The following RPTOR variants were observed in gnomAD, a reference collection of about 807,000 sequenced individuals.
RPTOR encodes regulatory associated protein of MTOR complex 1.
A neutral mutation model predicts 169.9 loss-of-function variants in RPTOR; 21 were observed. The observed-to-expected ratio is 0.12, with a 90% CI of 0.09 to 0.18. RPTOR has a LOEUF of 0.18. RPTOR is among the 10% of genes least tolerant of loss of function. The probability of loss-of-function intolerance (pLI) is 1.00; values close to 1 mark genes in which losing one functional copy is unlikely to be tolerated. For synonymous variants in RPTOR, 732 were observed against 753.2 expected (o/e 0.97, Z 0.46); for missense variants, 1,133 against 1,855.9 (o/e 0.61, Z 7.16).
chr17:80,794,655 C>G (rs1461937283), intron 7 of RPTOR, among the ~76,000 whole-genome samples: 1 of 152,210 alleles, frequency 6.6e-6, no homozygotes, highest in Admixed American at 6.5e-5. Context: ...CCGGAAGCAA[C>G]CAAAATGTCC....
chr17:80,668,963 A>G (rs1161967773), intron 3 of RPTOR, among the ~76,000 whole-genome samples: 2 of 150,914 alleles, frequency 1.3e-5, no homozygotes, highest in East Asian at 2.0e-4. Context: ...TAGCTGTGGC[A>G]GTGCTGTGGG....
At chr17:80,905,525 G>A (rs1168913851) in intron 20 of RPTOR, among the ~76,000 whole-genome samples, 7 of 151,918 alleles carry the variant, frequency 4.6e-5, no homozygotes, top group Admixed American at 4.6e-4. Context: ...GAACCCAGGA[G>A]GCAGAGCTTG....
chr17:80,804,088 C>T (rs72853719), intron 7 of RPTOR, among the ~76,000 whole-genome samples: 14,737 of 152,230 alleles, frequency 0.097, 778 homozygotes, highest in South Asian at 0.2. Context: ...TGACTCAGAC[C>T]ACTGCATCAG....
chr17:80,675,437 A>G (rs1257475594), intron 3 of RPTOR, among the ~76,000 whole-genome samples: 3 of 152,166 alleles, frequency 2.0e-5, no homozygotes, highest in African/African-American at 7.2e-5. Flanking sequence ...TCTGTTTATT[A>G]CTAGGCTGAG....
In RPTOR at chr17:80,837,991, G is replaced by C. The variant is rs747216581; in HGVS notation, c.1206G>C (p.Ala402=). ...QLPTIIEEGT[A]FRHSPFFAEQ... ...CGACGATCATCGAGGAAGGCACTGC[G>C]TTTCGGGTGAGTCCCTCCAAGGGCA... Residue 402 remains alanine (A), a synonymous_variant, in exon 10 of 34, where the codon GCG becomes GCC. Transcript: ENST00000306801. The C allele has an allele frequency of 1.4e-5, 22 of 1,609,102 alleles. 1 individual carries two copies. The highest frequency in any genetic ancestry group is 1.7e-4 in the Middle Eastern group (1 of 6,056).
chr17:80,634,264 C>T (rs200902645), intron 2 of RPTOR, among the ~76,000 whole-genome samples: 3,841 of 43,752 alleles, frequency 0.088, 866 homozygotes, highest in African/African-American at 0.34. Flanking sequence ...GCGTGCATAC[C>T]GTGTGTGTGC....
chr17:80,959,009 G>C lies in RPTOR; in HGVS notation c.3478-1069G>C, dbSNP rs1157130934. On this transcript the variant is annotated intron_variant, in intron 29 of 33. Coordinates refer to ENST00000306801, the MANE Select transcript of RPTOR (RefSeq NM_020761.3). This position sits in a 1 kb window ranked among gnomAD's most constrained non-coding sequence, Gnocchi z 6.7. Reference sequence around the variant, plus strand: ...CGGGCAGGCCATCTGGTGTCAGGAGGGATGGCTCAGCCCTGCTGCCGTAGA... The same window carrying C: ...CGGGCAGGCCATCTGGTGTCAGGAGCGATGGCTCAGCCCTGCTGCCGTAGA... Among the ~76,000 whole-genome samples, 1 of 152,244 alleles carries C rather than the reference G, an allele frequency of 6.6e-6. No homozygotes were observed. Among genetic ancestry groups the C allele is most frequent in the East Asian group, 1.9e-4 (1 of 5,196 alleles).
intron 7 of RPTOR, among the ~76,000 whole-genome samples, chr17:80,815,343 G>A (rs968768043): frequency 7.9e-5 from 12 of 152,230 alleles, no homozygotes; most frequent in Admixed American, 7.9e-4. Context: ...ACTCCAACTC[G>A]GAGGTGGCCA....
At chr17:80,719,160 A>G (rs1340943315) in intron 4 of RPTOR, among the ~76,000 whole-genome samples, 1 of 152,140 alleles carries the variant, frequency 6.6e-6, no homozygotes, top group African/African-American at 2.4e-5. Flanking sequence ...CCCAAAATAC[A>G]GTTTCTAGAG....
At chr17:80,759,490 T>C (rs951295424) in intron 6 of RPTOR, among the ~76,000 whole-genome samples, 1 of 152,198 alleles carries the variant, frequency 6.6e-6, no homozygotes, top group African/African-American at 2.4e-5. Flanking sequence ...CCTGGAACAA[T>C]TGAGCGGTGT....
At chr17:80,625,643 G>T (rs867563107) in intron 1 of RPTOR, 48 bp from the exon 2 acceptor site, 3 of 1,375,782 alleles carry the variant, frequency 2.2e-6, no homozygotes, top group African/African-American at 2.8e-5. Context: ...ACACATAAAC[G>T]AGTTCCATAT....
intron 13 of RPTOR, among the ~76,000 whole-genome samples, chr17:80,877,558 C>T (rs1023489211): frequency 1.3e-5 from 2 of 152,204 alleles, no homozygotes; most frequent in African/African-American, 2.4e-5. Flanking sequence ...ATTACACTCT[C>T]GTGAGACATG....
At chr17:80,791,641 G>A (rs748736905) in intron 7 of RPTOR, 132 bp downstream of exon 7, 8 of 757,120 alleles carry the variant, frequency 1.1e-5, no homozygotes, top group Non-Finnish European at 1.5e-5. Context: ...GTGTTCTTTT[G>A]TTCTCTGATT....
intron 13 of RPTOR, among the ~76,000 whole-genome samples, chr17:80,876,043 A>G (rs375602972): frequency 5.9e-5 from 3 of 50,452 alleles, no homozygotes; most frequent in Non-Finnish European, 7.0e-5. Context: ...TGTGTGTGTC[A>G]CCTGCTGGGT....
intron 17 of RPTOR, among the ~76,000 whole-genome samples, chr17:80,889,109 C>T (rs879765802): frequency 1.4e-4 from 22 of 152,206 alleles, no homozygotes; most frequent in African/African-American, 2.2e-4. Flanking sequence ...GCTGCAGGGA[C>T]GGCGCAGGAG....
intron 7 of RPTOR, among the ~76,000 whole-genome samples, chr17:80,816,494 C>T (rs1211244605): frequency 6.6e-6 from 1 of 152,204 alleles, no homozygotes. Context: ...GCCAGGCAAG[C>T]CGAGGGTGAA....
chr17:80,855,428 G>A (rs2143744103), intron 11 of RPTOR, 36 bp from the exon 12 acceptor site: 2 of 1,536,284 alleles, frequency 1.3e-6, no homozygotes, highest in South Asian at 2.2e-5. Flanking sequence ...CACCAGTATG[G>A]TTTGCAGTGA....
chr17:80,903,315 T>G (rs1295477381), intron 20 of RPTOR, among the ~76,000 whole-genome samples: 1 of 152,138 alleles, frequency 6.6e-6, no homozygotes, highest in Non-Finnish European at 1.5e-5. Context: ...TCCTGACCCC[T>G]CTACTTCGTT....
chr17:80,773,915 G>A (rs1212334346), intron 6 of RPTOR: 1 of 982,812 alleles, frequency 1.0e-6, no homozygotes, highest in Non-Finnish European at 1.2e-6. Context: ...ACAGCTCCCG[G>A]TGGACACGCA....
Sources: allele counts gnomAD v4.1 joint callset (sites outside exome capture counted in the v4.1 genomes callset), GRCh38; gene constraint gnomAD v4.1.1; non-coding constraint Gnocchi (gnomAD v3.1); transcripts MANE v1.5; gene names NCBI Gene and HGNC (gene_info 2026-07-23, HGNC 2026-07-21).